HS6ST3: variants seen among roughly 807,000 people sequenced by gnomAD.
HS6ST3 encodes heparan sulfate 6-O-sulfotransferase 3.
Under a neutral mutation model 36.7 loss-of-function variants are expected in HS6ST3, and 12 were observed. That is an observed-to-expected ratio of 0.33 (90% confidence interval 0.21 to 0.53). The LOEUF (loss-of-function observed/expected upper bound fraction) is 0.53. Ranked by LOEUF, HS6ST3 falls within the 20% of genes least tolerant of loss-of-function variation. The pLI, the probability that HS6ST3 is intolerant of heterozygous loss-of-function variation, is 0.95. For synonymous variants in HS6ST3, 240 were observed against 257.5 expected (o/e 0.93, Z 0.65); for missense variants, 584 against 640.9 (o/e 0.91, Z 0.96).
At chr13:96,676,001 C>T (rs2056697750) in intron 1 of HS6ST3, among the ~76,000 whole-genome samples, 1 of 152,058 alleles carries the variant, frequency 6.6e-6, no homozygotes, top group South Asian at 2.1e-4. Flanking sequence ...AGATGAGTTC[C>T]CCTCAGGTCA....
At chr13:96,640,084 C>A (rs1469156133) in intron 1 of HS6ST3, among the ~76,000 whole-genome samples, 1 of 151,896 alleles carries the variant, frequency 6.6e-6, no homozygotes, top group Non-Finnish European at 1.5e-5. Flanking sequence ...GGTATATACT[C>A]AGTAATGGGA....
intron 1 of HS6ST3, among the ~76,000 whole-genome samples, chr13:96,494,922 A>C (rs1279028867): frequency 6.6e-6 from 1 of 152,142 alleles, no homozygotes; most frequent in African/African-American, 2.4e-5. Flanking sequence ...CAATATGAAG[A>C]ATACTTGGAA....
chr13:96,557,823 T>A (rs1275054931), intron 1 of HS6ST3, among the ~76,000 whole-genome samples: 2 of 152,188 alleles, frequency 1.3e-5, no homozygotes, highest in African/African-American at 4.8e-5. Flanking sequence ...GATTAGAGCA[T>A]TGACTTTGGA....
intron 1 of HS6ST3, among the ~76,000 whole-genome samples, chr13:96,176,337 A>G (rs1268763538): frequency 3.3e-5 from 5 of 152,272 alleles, no homozygotes; most frequent in African/African-American, 7.2e-5. Context: ...ATAATCAAAT[A>G]TTTGATGAGA....
At chr13:96,548,690 G>A (rs925376143) in intron 1 of HS6ST3, among the ~76,000 whole-genome samples, 3 of 152,180 alleles carry the variant, frequency 2.0e-5, no homozygotes, top group African/African-American at 7.2e-5. Context: ...CAGCCTCCTA[G>A]TTGAAATCTG....
At chr13:96,395,885 A>G (rs1486281565) in intron 1 of HS6ST3, among the ~76,000 whole-genome samples, 1 of 152,208 alleles carries the variant, frequency 6.6e-6, no homozygotes, top group Non-Finnish European at 1.5e-5. Context: ...GCAGAAAAGA[A>G]GAAAAATAGG....
chr13:96,184,418 TGC>T (rs551556346), intron 1 of HS6ST3, among the ~76,000 whole-genome samples: 335 of 152,214 alleles, frequency 2.2e-3, no homozygotes, highest in Non-Finnish European at 3.6e-3. Flanking sequence ...ATGTAAAGTT[TGC>T]ATCCTTTTCT....
intron 1 of HS6ST3, among the ~76,000 whole-genome samples, chr13:96,184,221 A>AAAAAAAAAGAG: frequency 1.6e-5 from 1 of 61,004 alleles, no homozygotes; most frequent in Non-Finnish European, 2.9e-5. Context: ...AAAAAAAAAA[A>AAAAAAAAAGAG]AGAGAGAGAG....
At chr13:96,130,725 T>C (rs1304341975) in intron 1 of HS6ST3, among the ~76,000 whole-genome samples, 2 of 152,156 alleles carry the variant, frequency 1.3e-5, no homozygotes, top group African/African-American at 4.8e-5. Context: ...TTCAGTCAGC[T>C]CTCTAGTATT....
intron 1 of HS6ST3, among the ~76,000 whole-genome samples, chr13:96,595,843 T>A (rs576955710): frequency 1.3e-5 from 2 of 152,088 alleles, no homozygotes; most frequent in East Asian, 3.8e-4. Context: ...TAATTTCTTT[T>A]TTTTTTCAGC....
intron 1 of HS6ST3, among the ~76,000 whole-genome samples, chr13:96,144,647 T>C (rs572521824): frequency 6.6e-6 from 1 of 151,846 alleles, no homozygotes; most frequent in South Asian, 2.1e-4. Flanking sequence ...AATTAATTTT[T>C]ATTATTATTA....
intron 1 of HS6ST3, among the ~76,000 whole-genome samples, chr13:96,122,517 TA>T (rs533794429): frequency 9.2e-4 from 140 of 152,350 alleles, no homozygotes; most frequent in South Asian, 6.0e-3. Context: ...GATGCAATGT[TA>T]GCTTTCGAAT....
intron 1 of HS6ST3, among the ~76,000 whole-genome samples, chr13:96,227,004 C>T (rs1376445250): frequency 6.6e-6 from 1 of 151,970 alleles, no homozygotes; most frequent in Admixed American, 6.6e-5. Context: ...AAAACTGTGG[C>T]CTGTAAAATC....
At chr13:96,630,466 T>A (rs557636315) in intron 1 of HS6ST3, among the ~76,000 whole-genome samples, 43 of 152,270 alleles carry the variant, frequency 2.8e-4, no homozygotes, top group Non-Finnish European at 5.9e-4. Flanking sequence ...TAACTACTAG[T>A]TCTCAGATTT....
intron 1 of HS6ST3, among the ~76,000 whole-genome samples, chr13:96,745,398 C>T (rs568972273): frequency 6.1e-4 from 93 of 152,118 alleles, no homozygotes; most frequent in African/African-American, 2.1e-3. Context: ...TAAGGCAGTG[C>T]CCAGCCATAT....
chr13:96,692,932 G>A (rs609565), intron 1 of HS6ST3, among the ~76,000 whole-genome samples: 150,015 of 152,290 alleles, frequency 0.99, 73,924 homozygotes, highest in Middle Eastern at 1. Flanking sequence ...TCTATATTTT[G>A]CCAAGCTCAT....
chr13:96,726,425 T>C (rs115029968), intron 1 of HS6ST3, among the ~76,000 whole-genome samples: 311 of 152,340 alleles, frequency 2.0e-3, no homozygotes, highest in African/African-American at 7.2e-3. Context: ...ACAGGACTTA[T>C]ATGTCTTTCA....
chr13:96,545,779 GA>G (rs1431316964), intron 1 of HS6ST3, among the ~76,000 whole-genome samples: 1 of 152,078 alleles, frequency 6.6e-6, no homozygotes, highest in Non-Finnish European at 1.5e-5. Context: ...TTCCAAGTAG[GA>G]AAATCCGATA....
intron 1 of HS6ST3, among the ~76,000 whole-genome samples, chr13:96,699,374 A>T (rs1455536727): frequency 6.6e-6 from 1 of 152,228 alleles, no homozygotes; most frequent in African/African-American, 2.4e-5. Context: ...TAATATCCAG[A>T]ATCTACAATG....
Sources: allele counts gnomAD v4.1 joint callset (sites outside exome capture counted in the v4.1 genomes callset), GRCh38; gene constraint gnomAD v4.1.1; transcripts MANE v1.5; gene names NCBI Gene and HGNC (gene_info 2026-07-23, HGNC 2026-07-21).